The following SCFD2 variants were observed in gnomAD, a reference collection of about 807,000 sequenced individuals.
SCFD2 encodes the protein sec1 family domain containing 2.
A neutral mutation model predicts 58.9 loss-of-function variants in SCFD2; 54 were observed. The ratio of observed to expected loss-of-function variants is 0.92; its 90% CI spans 0.74 to 1.15. The LOEUF (loss-of-function observed/expected upper bound fraction) is 1.15. Ranked by LOEUF, SCFD2 falls within the 50% of genes most tolerant of loss-of-function variation. The probability of loss-of-function intolerance (pLI) is 0.00; values close to 1 mark genes in which losing one functional copy is unlikely to be tolerated. For missense variants in SCFD2, 805 were observed against 836.6 expected (o/e 0.96, Z 0.47); for synonymous variants, 321 against 335.9 (o/e 0.96, Z 0.49).
chr4:53,156,627 G>A (rs1236955136), intron 4 of SCFD2, among the ~76,000 whole-genome samples: 1 of 152,198 alleles, frequency 6.6e-6, no homozygotes, highest in African/African-American at 2.4e-5. Context: ...GAACCCAGGA[G>A]GCGGAGCTTG....
intron 4 of SCFD2, among the ~76,000 whole-genome samples, chr4:53,243,045 G>A (rs958179514): frequency 6.6e-6 from 1 of 152,154 alleles, no homozygotes; most frequent in South Asian, 2.1e-4. Context: ...GAAGCAACTT[G>A]AAAAACATAT....
chr4:53,177,107 T>G (rs1156646142), intron 4 of SCFD2, among the ~76,000 whole-genome samples: 1 of 152,254 alleles, frequency 6.6e-6, no homozygotes, highest in African/African-American at 2.4e-5. Context: ...CCATTCATTT[T>G]TACATTTCTT....
At chr4:52,910,280 A>AG (rs1719454099) in intron 6 of SCFD2, among the ~76,000 whole-genome samples, 2 of 152,228 alleles carry the variant, frequency 1.3e-5, no homozygotes, top group South Asian at 4.1e-4. Context: ...GCTGGAATGT[A>AG]GAAGTGAAGC....
intron 4 of SCFD2, among the ~76,000 whole-genome samples, chr4:53,201,994 T>A (rs570886888): frequency 6.6e-6 from 1 of 152,352 alleles, no homozygotes; most frequent in Non-Finnish European, 1.5e-5. Context: ...ACTCTGATGG[T>A]AGTTTCTTCT....
At chr4:53,001,836 A>C (rs1721871316) in intron 5 of SCFD2, among the ~76,000 whole-genome samples, 1 of 152,224 alleles carries the variant, frequency 6.6e-6, no homozygotes, top group Non-Finnish European at 1.5e-5. Context: ...GTAAATTTAT[A>C]AGAGATGCAT....
intron 5 of SCFD2, among the ~76,000 whole-genome samples, chr4:52,963,312 CGTA>C (rs1399039095): frequency 6.6e-5 from 10 of 152,166 alleles, no homozygotes; most frequent in Non-Finnish European, 1.5e-4. Context: ...CCTGATGCAA[CGTA>C]AGGTTGGAGG....
Position 53,281,566 on chromosome 4 carries a change from A to C in SCFD2, c.1136-7565T>G, listed in dbSNP as rs59736753. On this transcript the variant is annotated intron_variant, in intron 3 of 8. Transcript: ENST00000401642. ...AGATGGCTTATGAGTTTCGTAAATA[A>C]TGTGCAAAAGACTCAAGAGGCTACC... is the stretch of plus-strand genomic sequence containing the variant. Among the ~76,000 whole-genome samples the C allele has an allele frequency of 6.9e-3, 1,055 of 152,316 alleles. 17 individuals carry two copies. Among genetic ancestry groups the C allele is most frequent in the African/African-American group, 0.024 (985 of 41,582 alleles).
chr4:53,056,550 G>T (rs1291767151), intron 5 of SCFD2, among the ~76,000 whole-genome samples: 14 of 151,608 alleles, frequency 9.2e-5, no homozygotes, highest in African/African-American at 2.9e-4. Flanking sequence ...TCCAAGTATT[G>T]TTCAATCAGA....
chr4:53,174,581 G>A (rs554325035), intron 4 of SCFD2, among the ~76,000 whole-genome samples: 41 of 152,200 alleles, frequency 2.7e-4, no homozygotes, highest in Non-Finnish European at 5.3e-4. Context: ...CTATTATAGT[G>A]CCAAGTGCAC....
At position 53,089,103 on chromosome 4, in the gene SCFD2, A is replaced by T. The variant is rs1474348783; in HGVS notation, c.1561+56230T>A. Among the ~76,000 whole-genome samples, 3 of 152,170 alleles carry T rather than the reference A, an allele frequency of 2.0e-5. No individual in the cohort carries two copies. The South Asian group carries it at 6.2e-4, about 32-fold the overall frequency. ...AATCTGCTGGCACTTTGATATAGGA[A>T]TTCCCAGTCTCCAGAACTGTGAGAA... On this transcript the variant is annotated intron_variant, in intron 5 of 8. Coordinates refer to ENST00000401642, the MANE Select transcript of SCFD2 (RefSeq NM_152540.4).
intron 2 of SCFD2, among the ~76,000 whole-genome samples, chr4:53,318,350 G>A (rs1273741554): frequency 6.6e-6 from 1 of 152,060 alleles, no homozygotes; most frequent in Non-Finnish European, 1.5e-5. Context: ...ACTTTTACAA[G>A]GAGTTCAGAT....
intron 4 of SCFD2, among the ~76,000 whole-genome samples, chr4:53,176,950 A>T (rs1388027753): frequency 4.6e-5 from 1 of 21,654 alleles, no homozygotes; most frequent in Non-Finnish European, 9.2e-5. Flanking sequence ...ACAATCTCAA[A>T]AAAAAAAAAA....
At chr4:53,085,938 C>G (rs1185686327) in intron 5 of SCFD2, among the ~76,000 whole-genome samples, 1 of 152,072 alleles carries the variant, frequency 6.6e-6, no homozygotes, top group Non-Finnish European at 1.5e-5. Context: ...GAAACCACTA[C>G]AAGAAAATAC....
chr4:53,199,613 G>A (rs971072850), intron 4 of SCFD2, among the ~76,000 whole-genome samples: 1 of 152,040 alleles, frequency 6.6e-6, no homozygotes, highest in African/African-American at 2.4e-5. Flanking sequence ...AGTAATTAGA[G>A]GGTTGAAGGG....
At chr4:53,173,930 T>C (rs944944702) in intron 4 of SCFD2, among the ~76,000 whole-genome samples, 1 of 151,972 alleles carries the variant, frequency 6.6e-6, no homozygotes, top group African/African-American at 2.4e-5. Flanking sequence ...AGCAGAATTA[T>C]CAACTAAAGA....
chr4:52,924,911 A>G (rs935117397), intron 5 of SCFD2, among the ~76,000 whole-genome samples: 1 of 152,204 alleles, frequency 6.6e-6, no homozygotes, highest in Non-Finnish European at 1.5e-5. Context: ...TATATGCTGA[A>G]TTGATAGATA....
chr4:53,157,490 T>C (rs910263200), intron 4 of SCFD2, among the ~76,000 whole-genome samples: 14 of 152,212 alleles, frequency 9.2e-5, no homozygotes, highest in Admixed American at 2.6e-4. Context: ...ATTTTTTTCA[T>C]ATTTTTCAAC....
intron 1 of SCFD2, among the ~76,000 whole-genome samples, chr4:53,353,994 C>A (rs1237524253): frequency 6.6e-6 from 1 of 152,370 alleles, no homozygotes; most frequent in African/African-American, 2.4e-5. Flanking sequence ...AAGTCCCCAC[C>A]CAACTCAAGA....
Position 53,011,743 on chromosome 4 carries a change from C to G in SCFD2, c.1562-90873G>C, listed in dbSNP as rs570983737. On this transcript the variant is annotated intron_variant, in intron 5 of 8. Transcript: ENST00000401642. ...AGCTGGAAGACACCTCACTGTGAAACGCTTCAAGCTTCTTTATCTGGGTTA... is the reference window on the plus strand; with the variant it reads ...AGCTGGAAGACACCTCACTGTGAAAGGCTTCAAGCTTCTTTATCTGGGTTA... Among the ~76,000 whole-genome samples the G allele has an allele frequency of 3.9e-5, 6 of 152,324 alleles. No individual in the cohort carries two copies. In the South Asian group the frequency reaches 1.2e-3, roughly 32 times the overall value.
Sources: gnomAD v4.1 joint callset for allele counts (sites outside exome capture counted in the v4.1 genomes callset) on GRCh38, gnomAD v4.1.1 for gene constraint, MANE v1.5 for transcripts, NCBI Gene and HGNC (gene_info 2026-07-23, HGNC 2026-07-21) for gene names.